The following SAMTOR variants were observed in gnomAD, a reference collection of about 807,000 sequenced individuals.
SAMTOR encodes the protein UPF0532 protein C7orf60.
At chr7:112,854,988 A>G in the SAMTOR span, among the ~76,000 whole-genome samples, 1 of 152,224 alleles carries the variant, frequency 6.6e-6, no homozygotes, top group African/African-American at 2.4e-5. Flanking sequence ...ATCATCATGA[A>G]TATCATTACC....
the SAMTOR span, among the ~76,000 whole-genome samples, chr7:112,831,422 T>G: frequency 1.3e-5 from 2 of 152,136 alleles, no homozygotes; most frequent in Non-Finnish European, 2.9e-5. Flanking sequence ...TTTGGGAGGT[T>G]GAGGCAGGTG....
At chr7:112,836,777 C>T in the SAMTOR span, among the ~76,000 whole-genome samples, 3 of 151,972 alleles carry the variant, frequency 2.0e-5, no homozygotes, top group Non-Finnish European at 4.4e-5. Context: ...TTTCTGGGTT[C>T]TCTATTCTGT....
chr7:112,825,128 C>T, the SAMTOR span, among the ~76,000 whole-genome samples: 3 of 152,018 alleles, frequency 2.0e-5, no homozygotes, highest in Non-Finnish European at 4.4e-5. Flanking sequence ...CTCAAGCAAT[C>T]TTCCCACCTC....
At chr7:112,877,637 T>G in the SAMTOR span, among the ~76,000 whole-genome samples, 1 of 152,130 alleles carries the variant, frequency 6.6e-6, no homozygotes. Context: ...CTGGTATAGT[T>G]TGGATATTTG....
the SAMTOR span, among the ~76,000 whole-genome samples, chr7:112,866,427 A>G: frequency 6.6e-6 from 1 of 152,260 alleles, no homozygotes; most frequent in Non-Finnish European, 1.5e-5. Context: ...GAAACATCTC[A>G]GAATTCTGTG....
At chr7:112,849,242 A>C in the SAMTOR span, among the ~76,000 whole-genome samples, 3 of 152,358 alleles carry the variant, frequency 2.0e-5, no homozygotes, top group Admixed American at 2.0e-4. Context: ...TGTATATGGC[A>C]GTAGTTTTCA....
chr7:112,910,014 T>C, the SAMTOR span, among the ~76,000 whole-genome samples: 2 of 151,956 alleles, frequency 1.3e-5, no homozygotes, highest in Non-Finnish European at 2.9e-5. Flanking sequence ...GAAGAAACAG[T>C]CTGATGCCAG....
At chr7:112,858,415 C>T in the SAMTOR span, among the ~76,000 whole-genome samples, 14 of 150,982 alleles carry the variant, frequency 9.3e-5, no homozygotes, top group African/African-American at 3.4e-4. Flanking sequence ...ATTTTGAAAG[C>T]AGCAATGTAA....
the SAMTOR span, among the ~76,000 whole-genome samples, chr7:112,911,651 A>T: frequency 6.6e-6 from 1 of 152,128 alleles, no homozygotes; most frequent in Non-Finnish European, 1.5e-5. Flanking sequence ...ACTATTTTAA[A>T]TTTATTTTTT....
chr7:112,879,213 C>G, the SAMTOR span, among the ~76,000 whole-genome samples: 1 of 148,918 alleles, frequency 6.7e-6, no homozygotes, highest in Non-Finnish European at 1.5e-5. Flanking sequence ...ATATGGAGGT[C>G]AAGTCAGAGG....
the SAMTOR span, among the ~76,000 whole-genome samples, chr7:112,906,006 AAAG>A: frequency 6.6e-6 from 1 of 152,200 alleles, no homozygotes; most frequent in African/African-American, 2.4e-5. Flanking sequence ...ATATAAACAG[AAAG>A]AAAATTCATT....
chr7:112,916,920 T>C, the SAMTOR span, among the ~76,000 whole-genome samples: 1 of 152,098 alleles, frequency 6.6e-6, no homozygotes, highest in Non-Finnish European at 1.5e-5. Flanking sequence ...CAGGCTTGCT[T>C]AGGTAAACAA....
the SAMTOR span, among the ~76,000 whole-genome samples, chr7:112,849,061 A>T: frequency 6.6e-6 from 1 of 151,632 alleles, no homozygotes; most frequent in Non-Finnish European, 1.5e-5. Context: ...AAAAAAAAAA[A>T]ACAAAGAAAA....
the SAMTOR span, among the ~76,000 whole-genome samples, chr7:112,906,610 C>G: frequency 1.2e-4 from 18 of 148,746 alleles, no homozygotes; most frequent in Admixed American, 1.0e-3. Flanking sequence ...TGCTCTGTCA[C>G]CAGGCTGGAG....
At chr7:112,832,471 C>T in the SAMTOR span, 9 of 753,392 alleles carry the variant, frequency 1.2e-5, no homozygotes, top group African/African-American at 1.6e-4. Flanking sequence ...ACAGGAAATA[C>T]ATTTGCTATT....
At chr7:112,902,691 C>A in the SAMTOR span, among the ~76,000 whole-genome samples, 1 of 151,988 alleles carries the variant, frequency 6.6e-6, no homozygotes, top group Non-Finnish European at 1.5e-5. Context: ...CACTCTAGTG[C>A]TGGATGTTGA....
the SAMTOR span, among the ~76,000 whole-genome samples, chr7:112,876,308 T>C: frequency 6.6e-6 from 1 of 152,176 alleles, no homozygotes; most frequent in East Asian, 1.9e-4. Flanking sequence ...ACGTGTTTCT[T>C]AGGTCCAGGC....
the SAMTOR span, among the ~76,000 whole-genome samples, chr7:112,888,276 G>A: frequency 1.3e-5 from 2 of 152,150 alleles, no homozygotes; most frequent in African/African-American, 2.4e-5. Context: ...TTCTGTTGTA[G>A]TGTGAGAGAA....
chr7:112,845,012 T>C, the SAMTOR span, among the ~76,000 whole-genome samples: 3 of 151,816 alleles, frequency 2.0e-5, no homozygotes, highest in South Asian at 2.1e-4. Context: ...ACTGAATAAA[T>C]GGTGCTGGGA....
Sources: allele counts gnomAD v4.1 joint callset (sites outside exome capture counted in the v4.1 genomes callset), GRCh38; gene constraint gnomAD v4.1.1; transcripts MANE v1.5; gene names NCBI Gene and HGNC (gene_info 2026-07-23, HGNC 2026-07-21).